Variants in TTC28 observed in about 807,000 individuals in gnomAD.
TTC28 encodes tetratricopeptide repeat protein 28.
A neutral mutation model predicts 198.0 loss-of-function variants in TTC28; 61 were observed. The ratio of observed to expected loss-of-function variants is 0.31; its 90% confidence interval spans 0.25 to 0.38. The LOEUF (loss-of-function observed/expected upper bound fraction) is 0.38, where lower values mean the gene tolerates loss of function less well. Among genes scored for constraint, TTC28 ranks in the 10% least tolerant of loss-of-function variants. The pLI, the probability that TTC28 is intolerant of heterozygous loss-of-function variation, is 1.00. For synonymous variants in TTC28, 1,171 were observed against 1,297.8 expected, an observed-to-expected ratio of 0.90 and a Z score of 2.10; for missense variants, 2,678 against 3,164.0, an observed-to-expected ratio of 0.85 and a Z score of 3.69.
chr22:28,546,216 TGTGGTGGCTCATGCCTATAA>T (rs1406365767), intron 2 of TTC28, among the ~76,000 whole-genome samples: 1 of 152,136 alleles, frequency 6.6e-6, no homozygotes, highest in Non-Finnish European at 1.5e-5. Context: ...AGGTACCAGG[TGTGGTGGCTCATGCCTATAA>T]TCCCAGCACT....
At position 27,999,141 on chromosome 22, in the gene TTC28, C is replaced by T. The variant is rs759943935; in HGVS notation, c.4518G>A (p.Ser1506=). Residue 1506 remains serine, a synonymous_variant, in exon 16 of 23, where the codon TCG becomes TCA. Transcript: ENST00000397906. ...MDRWLWGPMP[S]AEEEAYMVSE... is the part of the protein sequence containing the mutation. ...ACACCATGTAGGCCTCTTCCTCGGC[C>T]GATGGCATGGGCCCCCACAGCCACC... 43 of 1,550,448 alleles carry T rather than the reference C, an allele frequency of 2.8e-5. No individual in the cohort carries two copies. The highest frequency in any genetic ancestry group is 1.7e-4 in the Middle Eastern group (1 of 6,014).
chr22:28,083,520 G>A (rs561487283), intron 12 of TTC28, among the ~76,000 whole-genome samples: 3 of 152,140 alleles, frequency 2.0e-5, no homozygotes, highest in South Asian at 2.1e-4. Context: ...TACTATATGC[G>A]AATTCAGCAG....
intron 5 of TTC28, among the ~76,000 whole-genome samples, chr22:28,208,380 T>C (rs750399877): frequency 2.0e-5 from 3 of 152,104 alleles, no homozygotes; most frequent in Admixed American, 6.6e-5. Flanking sequence ...TGGCAGAGAC[T>C]CCTAGAATAG....
chr22:28,068,994 T>C (rs1940861011), intron 12 of TTC28, among the ~76,000 whole-genome samples: 3 of 152,172 alleles, frequency 2.0e-5, no homozygotes, highest in Non-Finnish European at 4.4e-5. Flanking sequence ...TCTTCCCTGT[T>C]GTACTGCTGA....
intron 2 of TTC28, among the ~76,000 whole-genome samples, chr22:28,332,043 T>C (rs574519252): frequency 6.6e-6 from 1 of 152,128 alleles, no homozygotes; most frequent in African/African-American, 2.4e-5. Context: ...CACTTGCATA[T>C]GAGTCTTCTA....
chr22:28,039,559 T>C lies in TTC28; in HGVS notation c.3933-9193A>G, dbSNP rs571330429. Among the ~76,000 whole-genome samples, 59 of 152,074 alleles carry C rather than the reference T, an allele frequency of 3.9e-4. No individual in the cohort carries two copies. The Middle Eastern group carries it at 0.02, about 53-fold the overall frequency. On this transcript the variant is annotated intron_variant, in intron 12 of 22. Transcript: ENST00000397906. ...GTGGGAGGGATGGCATTAGGAGATA[T>C]ACCTAATATAAATGACGAGTTAATG...
intron 2 of TTC28, among the ~76,000 whole-genome samples, chr22:28,407,750 A>T (rs2047020690): frequency 6.6e-6 from 1 of 152,194 alleles, no homozygotes; most frequent in Non-Finnish European, 1.5e-5. Context: ...GAATACAGGG[A>T]TAGAATCACT....
At position 28,112,058 on chromosome 22, in the gene TTC28, T is replaced by C. The variant is rs116828513; in HGVS notation, c.1442-3655A>G. 2.2e-3 allele frequency among the ~76,000 whole-genome samples: 332 copies of C among 152,324 alleles called. 2 individuals carry two copies. Among genetic ancestry groups the C allele is most frequent in the African/African-American group, 7.8e-3 (323 of 41,582 alleles). The stretch of plus-strand genomic sequence containing the variant: ...CCCACCTCATTCAGCTGAGTGTCTT[T>C]GAGACACTCAATACCTCTGAGCCTT... On this transcript the variant is annotated intron_variant, in intron 6 of 22. Coordinates refer to ENST00000397906, the MANE Select transcript of TTC28 (RefSeq NM_001145418.2).
chr22:28,572,898 C>G (rs922182389), intron 2 of TTC28, among the ~76,000 whole-genome samples: 3 of 151,972 alleles, frequency 2.0e-5, no homozygotes, highest in Non-Finnish European at 4.4e-5. Flanking sequence ...CCTGTAATCC[C>G]AATAATTTAG....
At chr22:28,245,690 C>T (rs1338448301) in intron 5 of TTC28, among the ~76,000 whole-genome samples, 3 of 152,154 alleles carry the variant, frequency 2.0e-5, no homozygotes. Context: ...TAGTCTTTCT[C>T]ATTGGCACTT....
At chr22:28,003,158 G>GC (rs1937783250) in intron 14 of TTC28, among the ~76,000 whole-genome samples, 2 of 152,098 alleles carry the variant, frequency 1.3e-5, no homozygotes, top group South Asian at 4.1e-4. Flanking sequence ...GGGCACCTGG[G>GC]CCCCATGGCC....
Position 27,979,540 on chromosome 22 carries a change from C to A in TTC28, c.*2681G>T, listed in dbSNP as rs531172345. ...ATGTGGTGTGGGCCAAAGGCAAAAT[C>A]AAAAATATGATGTAATTACTTATAT... On this transcript the variant is annotated 3_prime_UTR_variant, in exon 23 of 23. Coordinates refer to ENST00000397906, the MANE Select transcript of TTC28 (RefSeq NM_001145418.2). The A allele has an allele frequency of 4.0e-5, 6 of 150,742 alleles. No homozygotes were observed. The highest frequency in any genetic ancestry group is 2.1e-4 in the South Asian group (1 of 4,738). The allele number at this position is 150,742 out of a possible 1,614,324, so 9.3% of individuals were successfully genotyped here.
Position 28,073,056 on chromosome 22 carries a change from A to G in TTC28, c.3932+21024T>C, listed in dbSNP as rs530211201. ...ATAAGAGCCCAGCCTGGCATGGGAG[A>G]AAAGAAGGGGTGATTCTAGAAGCAA... On this transcript the variant is annotated intron_variant, in intron 12 of 22. Coordinates refer to ENST00000397906, the MANE Select transcript of TTC28 (RefSeq NM_001145418.2). Among the ~76,000 whole-genome samples the G allele has an allele frequency of 2.0e-5, 3 of 152,324 alleles. No homozygotes were observed. The East Asian group carries it at 5.8e-4, about 29-fold the overall frequency.
chr22:28,384,247 T>C (rs751340652), intron 2 of TTC28, among the ~76,000 whole-genome samples: 1 of 152,166 alleles, frequency 6.6e-6, no homozygotes, highest in Non-Finnish European at 1.5e-5. Flanking sequence ...TTTTTTTGTT[T>C]GTTAGTTGGT....
rs529708160 is a variant in TTC28 at position 28,568,064 on chromosome 22, G to C, written c.381+61488C>G. On this transcript the variant is annotated intron_variant, in intron 2 of 22. Transcript: ENST00000397906. ...TTCAGGGGAAAACAAGGTTTTACAAGAAAGGAAAAGTTATCATGGTATACC... is the reference window on the plus strand; with the variant it reads ...TTCAGGGGAAAACAAGGTTTTACAACAAAGGAAAAGTTATCATGGTATACC... Among the ~76,000 whole-genome samples, 3 of 152,280 alleles carry C rather than the reference G, an allele frequency of 2.0e-5. No individual in the cohort carries two copies. In the East Asian group the frequency reaches 5.8e-4, roughly 29 times the overall value.
At chr22:28,421,676 G>A (rs1468473067) in intron 2 of TTC28, among the ~76,000 whole-genome samples, 2 of 152,072 alleles carry the variant, frequency 1.3e-5, no homozygotes, top group Non-Finnish European at 2.9e-5. Flanking sequence ...GGCCGGGTGC[G>A]GTGGCTCACA....
intron 6 of TTC28, among the ~76,000 whole-genome samples, chr22:28,123,955 C>T (rs1449590532): frequency 6.6e-6 from 1 of 152,110 alleles, no homozygotes; most frequent in East Asian, 1.9e-4. Context: ...TGCACTCCAA[C>T]CTGGGTGACA....
At chr22:28,569,337 AT>A (rs1267347905) in intron 2 of TTC28, among the ~76,000 whole-genome samples, 1 of 152,132 alleles carries the variant, frequency 6.6e-6, no homozygotes, top group Non-Finnish European at 1.5e-5. Context: ...ATCAAACAAC[AT>A]GATACTGGTA....
At chr22:28,040,959 T>G (rs1345287550) in intron 12 of TTC28, among the ~76,000 whole-genome samples, 1 of 152,018 alleles carries the variant, frequency 6.6e-6, no homozygotes, top group Non-Finnish European at 1.5e-5. Context: ...AACAGCCAAA[T>G]CTTGAGTGAA....
Sources: gnomAD v4.1 joint callset for allele counts (sites outside exome capture counted in the v4.1 genomes callset) on GRCh38, gnomAD v4.1.1 for gene constraint, MANE v1.5 for transcripts, NCBI Gene and HGNC (gene_info 2026-07-23, HGNC 2026-07-21) for gene names.